The following CLIC5 variants were observed in gnomAD, a reference collection of about 807,000 sequenced individuals.
The protein encoded by CLIC5 is CLIC family member 5.
A neutral mutation model predicts 24.7 loss-of-function variants in CLIC5; 20 were observed. The observed-to-expected ratio is 0.81, with a 90% CI of 0.57 to 1.18. The LOEUF (loss-of-function observed/expected upper bound fraction) is 1.18, where lower values mean the gene tolerates loss of function less well. Ranked by LOEUF, CLIC5 falls within the 50% of genes most tolerant of loss-of-function variation. The pLI, the probability that CLIC5 is intolerant of heterozygous loss-of-function variation, is 0.00. For missense variants in CLIC5, 341 were observed against 326.1 expected (o/e 1.05, Z -0.35); for synonymous variants, 159 against 135.6 (o/e 1.17, Z -1.20).
At chr6:45,968,416 G>T (rs1255138403) in intron 1 of CLIC5, among the ~76,000 whole-genome samples, 2 of 152,076 alleles carry the variant, frequency 1.3e-5, no homozygotes, top group Non-Finnish European at 2.9e-5. Flanking sequence ...TTAAAGAACT[G>T]GGAAAGAAGG....
intron 6 of CLIC5, among the ~76,000 whole-genome samples, chr6:45,886,653 A>G (rs1251945157): frequency 6.6e-6 from 1 of 152,208 alleles, no homozygotes; most frequent in Non-Finnish European, 1.5e-5. Flanking sequence ...CTGCCAAATA[A>G]GTAAGTCCTC....
intron 1 of CLIC5, among the ~76,000 whole-genome samples, chr6:45,991,237 G>C (rs886100445): frequency 6.6e-6 from 1 of 152,190 alleles, no homozygotes; most frequent in African/African-American, 2.4e-5. Context: ...TGCTATCCTG[G>C]GTGGCCTTAC....
intron 4 of CLIC5, among the ~76,000 whole-genome samples, chr6:45,940,766 A>G: frequency 6.6e-6 from 1 of 152,174 alleles, no homozygotes; most frequent in East Asian, 1.9e-4. Context: ...CCAGGTTGGC[A>G]CTGCAGTGGC....
chr6:45,998,498 G>A (rs955737681), intron 1 of CLIC5, among the ~76,000 whole-genome samples: 5 of 152,182 alleles, frequency 3.3e-5, no homozygotes, highest in Admixed American at 6.5e-5. Flanking sequence ...ACTCGAGTCC[G>A]CAACCACAAA....
intron 1 of CLIC5, among the ~76,000 whole-genome samples, chr6:46,061,656 T>G (rs1193975314): frequency 6.6e-6 from 1 of 152,228 alleles, no homozygotes; most frequent in Non-Finnish European, 1.5e-5. Flanking sequence ...AGAGAGACAC[T>G]TAATGGGCCT....
intron 6 of CLIC5, among the ~76,000 whole-genome samples, chr6:45,883,477 C>A (rs1762280014): frequency 6.6e-6 from 1 of 152,174 alleles, no homozygotes; most frequent in Non-Finnish European, 1.5e-5. Flanking sequence ...AGGGCTTGAG[C>A]TGTGCTCACA....
intron 1 of CLIC5, among the ~76,000 whole-genome samples, chr6:46,006,000 T>TTTTA (rs1554160600): frequency 6.6e-5 from 7 of 106,166 alleles, no homozygotes; most frequent in African/African-American, 2.3e-4. Flanking sequence ...ATATATATAT[T>TTTTA]TATATATATA....
intron 1 of CLIC5, among the ~76,000 whole-genome samples, chr6:45,973,537 C>A (rs1379617941): frequency 6.6e-6 from 1 of 152,126 alleles, no homozygotes; most frequent in Non-Finnish European, 1.5e-5. Flanking sequence ...ACCAACATCC[C>A]AATATATATA....
chr6:46,022,286 A>G (rs926390230), intron 1 of CLIC5, among the ~76,000 whole-genome samples: 2 of 152,210 alleles, frequency 1.3e-5, no homozygotes, highest in Non-Finnish European at 2.9e-5. Context: ...CAATCACATT[A>G]TTAGTCACAA....
intron 1 of CLIC5, among the ~76,000 whole-genome samples, chr6:46,052,447 G>T (rs1477720705): frequency 6.6e-6 from 1 of 152,226 alleles, no homozygotes; most frequent in Non-Finnish European, 1.5e-5. Flanking sequence ...GACAAGGGTT[G>T]TTGACAAACT....
intron 4 of CLIC5, among the ~76,000 whole-genome samples, chr6:45,933,254 C>T (rs1763811601): frequency 6.6e-6 from 1 of 152,164 alleles, no homozygotes; most frequent in Non-Finnish European, 1.5e-5. Flanking sequence ...GTGGTGGGAA[C>T]TAGGGTACAC....
At chr6:46,104,413 G>T in the CLIC5 span, among the ~76,000 whole-genome samples, 2 of 152,058 alleles carry the variant, frequency 1.3e-5, no homozygotes, top group African/African-American at 2.4e-5. Context: ...AACGTGTCAA[G>T]TTCTCAGGCG....
intron 4 of CLIC5, among the ~76,000 whole-genome samples, chr6:45,917,262 A>T (rs1366272929): frequency 2.0e-5 from 3 of 152,164 alleles, no homozygotes; most frequent in African/African-American, 7.2e-5. Context: ...TGTTAAGACC[A>T]CTGCTGGGGT....
At chr6:46,035,105 A>G (rs1470561134) in intron 1 of CLIC5, among the ~76,000 whole-genome samples, 1 of 152,244 alleles carries the variant, frequency 6.6e-6, no homozygotes, top group Non-Finnish European at 1.5e-5. Context: ...TAACTAGGAT[A>G]GGTGATATTG....
intron 5 of CLIC5, among the ~76,000 whole-genome samples, chr6:45,910,218 T>A (rs974597401): frequency 6.6e-6 from 1 of 152,186 alleles, no homozygotes; most frequent in Non-Finnish European, 1.5e-5. Flanking sequence ...TCAATAATGA[T>A]GTTGATCAGA....
At chr6:45,957,884 G>A (rs1764698177) in intron 1 of CLIC5, among the ~76,000 whole-genome samples, 2 of 152,188 alleles carry the variant, frequency 1.3e-5, no homozygotes, top group Admixed American at 6.5e-5. Flanking sequence ...GAACCAGGTG[G>A]GGCTCAGTTG....
chr6:46,088,851 G>A, the CLIC5 span, among the ~76,000 whole-genome samples: 6 of 152,192 alleles, frequency 3.9e-5, no homozygotes, highest in East Asian at 5.8e-4. Flanking sequence ...ACAAGTGATC[G>A]TCCCAACAAA....
At chr6:45,967,310 C>G (rs1435707318) in intron 1 of CLIC5, among the ~76,000 whole-genome samples, 1 of 152,150 alleles carries the variant, frequency 6.6e-6, no homozygotes, top group Admixed American at 6.5e-5. Flanking sequence ...GAGACATGGT[C>G]CCTCTCTTGA....
At chr6:46,056,855 C>G (rs951178309) in intron 1 of CLIC5, among the ~76,000 whole-genome samples, 1 of 152,264 alleles carries the variant, frequency 6.6e-6, no homozygotes, top group Admixed American at 6.5e-5. Context: ...GCCTTCCTGC[C>G]TACTGCACAA....
Sources: allele counts gnomAD v4.1 joint callset (sites outside exome capture counted in the v4.1 genomes callset), GRCh38; gene constraint gnomAD v4.1.1; transcripts MANE v1.5; gene names NCBI Gene and HGNC (gene_info 2026-07-23, HGNC 2026-07-21).